GPLD1: variants seen among roughly 807,000 people sequenced by gnomAD.
GPLD1 encodes glycosylphosphatidylinositol specific phospholipase D1, also known as phosphatidylinositol-glycan-specific phospholipase D.
A neutral mutation model predicts 112.6 loss-of-function variants in GPLD1; 84 were observed. That is an observed-to-expected ratio of 0.75 (90% CI 0.63 to 0.89). The LOEUF is 0.89. Ranked by LOEUF, GPLD1 falls within the 40% of genes least tolerant of loss-of-function variation. GPLD1 has a pLI of 0.00. For missense variants in GPLD1, 1,044 were observed against 1,051.5 expected (o/e 0.99, Z 0.10); for synonymous variants, 386 against 403.8 (o/e 0.96, Z 0.53).
intron 10 of GPLD1, among the ~76,000 whole-genome samples, chr6:24,465,599 T>C (rs1419383760): frequency 1.3e-5 from 2 of 151,510 alleles, no homozygotes; most frequent in Non-Finnish European, 2.9e-5. Context: ...AAGAAATGGG[T>C]TATCAGAAGG....
intron 5 of GPLD1, 130 bp from the exon 6 acceptor site, chr6:24,473,797 T>C (rs1716958823): frequency 3.7e-6 from 2 of 542,706 alleles, no homozygotes; most frequent in Admixed American, 3.2e-5. Context: ...ATAGACTCAA[T>C]TTTCACACTA....
At chr6:24,451,745 A>T (rs1763096759) in intron 14 of GPLD1, among the ~76,000 whole-genome samples, 1 of 152,226 alleles carries the variant, frequency 6.6e-6, no homozygotes, top group South Asian at 2.1e-4. Context: ...TTTATTAGGT[A>T]ATCTCTCCAC....
intron 3 of GPLD1, among the ~76,000 whole-genome samples, chr6:24,478,076 G>A (rs1237547181): frequency 6.6e-6 from 1 of 152,108 alleles, no homozygotes; most frequent in Non-Finnish European, 1.5e-5. Context: ...CTTGATTAGT[G>A]TGGGTTTTGT....
intron 3 of GPLD1, among the ~76,000 whole-genome samples, chr6:24,479,438 T>C (rs1764129171): frequency 6.6e-6 from 1 of 152,162 alleles, no homozygotes; most frequent in Non-Finnish European, 1.5e-5. Context: ...CTTGACAAAA[T>C]ACTGTGCATT....
At chr6:24,491,768 G>T (rs918741147), upstream of GPLD1, among the ~76,000 whole-genome samples, 1 of 151,870 alleles carries the variant, frequency 6.6e-6, no homozygotes, top group African/African-American at 2.4e-5. Context: ...TTCTCATTAT[G>T]CATTTTTTTG....
intron 20 of GPLD1, among the ~76,000 whole-genome samples, chr6:24,441,299 T>C (rs971710417): frequency 3.0e-5 from 4 of 135,182 alleles, no homozygotes; most frequent in Admixed American, 3.0e-4. Flanking sequence ...AGAGCGAGAC[T>C]CTATCTCAAA....
At chr6:24,440,579 C>A (rs1325433458) in intron 20 of GPLD1, among the ~76,000 whole-genome samples, 3 of 23,568 alleles carry the variant, frequency 1.3e-4, no homozygotes, top group Non-Finnish European at 1.2e-4. Context: ...GTAAAAAATA[C>A]TCAAAAAAAA....
intron 12 of GPLD1, among the ~76,000 whole-genome samples, chr6:24,457,403 T>C (rs1026570988): frequency 6.6e-6 from 1 of 151,702 alleles, no homozygotes; most frequent in Non-Finnish European, 1.5e-5. Context: ...ATCACCTGCA[T>C]CCAAGAGGTT....
At chr6:24,441,956 AAT>A (rs1283125442) in intron 20 of GPLD1, among the ~76,000 whole-genome samples, 2 of 148,846 alleles carry the variant, frequency 1.3e-5, no homozygotes, top group Admixed American at 6.7e-5. Context: ...ATTTATATAT[AAT>A]ATATAGTTAT....
Position 24,431,535 on chromosome 6 carries a change from C to CT in GPLD1, c.2436+1651dup, listed in dbSNP as rs59056170. ...TTTACAGGTATATTTTAAGGTTAAA[C>CT]TTTTTTTTTTTTTTTTTGAGACAGA... On this transcript the variant is annotated intron_variant, in intron 24 of 24. Coordinates refer to ENST00000230036, the MANE Select transcript of GPLD1 (RefSeq NM_001503.4). Among the ~76,000 whole-genome samples the CT allele has an allele frequency of 4.4e-3, 605 of 139,040 alleles. 3 individuals carry two copies. Among genetic ancestry groups the CT allele is most frequent in the African/African-American group, 8.6e-3 (321 of 37,508 alleles). 91.2% of individuals were successfully genotyped at this position (139,040 alleles called of 152,430 possible).
intron 7 of GPLD1, among the ~76,000 whole-genome samples, chr6:24,469,629 G>A (rs867386134): frequency 0.015 from 1,700 of 114,918 alleles, 30 homozygotes; most frequent in African/African-American, 0.044. Flanking sequence ...GGACTGTGGT[G>A]GGGTGGGGGG....
At chr6:24,448,299 T>A in intron 15 of GPLD1, 91 bp from the exon 16 acceptor site, 1 of 853,506 alleles carries the variant, frequency 1.2e-6, no homozygotes, top group Admixed American at 2.0e-5. Context: ...TGACTCTGGG[T>A]CCAGGTATGG....
intron 12 of GPLD1, among the ~76,000 whole-genome samples, chr6:24,457,956 T>C (rs928475108): frequency 1.1e-4 from 16 of 151,672 alleles, no homozygotes; most frequent in African/African-American, 3.4e-4. Context: ...AGAGGTCACA[T>C]GCAGAATGCT....
upstream of GPLD1, among the ~76,000 whole-genome samples, chr6:24,494,382 G>A (rs757358817): frequency 6.6e-6 from 1 of 152,130 alleles, no homozygotes; most frequent in Non-Finnish European, 1.5e-5. Context: ...TTTATCGGGA[G>A]CAACCCTAGG....
At chr6:24,465,867 C>T (rs577914636) in intron 10 of GPLD1, among the ~76,000 whole-genome samples, 4 of 152,272 alleles carry the variant, frequency 2.6e-5, no homozygotes, top group South Asian at 2.1e-4. Flanking sequence ...GAGTGTGTGT[C>T]GGGGCATGTA....
chr6:24,475,840 A>G (rs2127363008), intron 4 of GPLD1, among the ~76,000 whole-genome samples: 2 of 151,404 alleles, frequency 1.3e-5, no homozygotes, highest in Middle Eastern at 6.8e-3. Flanking sequence ...CCTGGGTGAC[A>G]GAGCGACACT....
intron 1 of GPLD1, among the ~76,000 whole-genome samples, 179 bp from the exon 2 acceptor site, chr6:24,486,309 C>CTATTGTTA (rs1342354986): frequency 2.2e-4 from 34 of 152,264 alleles, no homozygotes; most frequent in African/African-American, 7.9e-4. Flanking sequence ...TGCAGTATTT[C>CTATTGTTA]TATTGTTATA....
intron 22 of GPLD1, among the ~76,000 whole-genome samples, chr6:24,435,645 G>A (rs1260595354): frequency 2.0e-5 from 3 of 150,448 alleles, no homozygotes; most frequent in African/African-American, 7.3e-5. Flanking sequence ...CCGACATGGT[G>A]AAACCCTGTC....
At chr6:24,494,752 A>C in intron 1 of GPLD1, 17 of 354,112 alleles carry the variant, frequency 4.8e-5, no homozygotes, top group South Asian at 1.5e-4. Context: ...CTCCCCCGGG[A>C]GAAGGTCGCG....
Sources: allele counts gnomAD v4.1 joint callset (sites outside exome capture counted in the v4.1 genomes callset), GRCh38; gene constraint gnomAD v4.1.1; transcripts MANE v1.5; gene names NCBI Gene and HGNC (gene_info 2026-07-23, HGNC 2026-07-21).